Variants in SARS1 observed in about 807,000 individuals in gnomAD.
The protein encoded by SARS1 is seryl-tRNA synthetase 1.
SARS1 carries 25 observed loss-of-function variants against 63.7 expected under a neutral mutation model. That is an observed-to-expected ratio of 0.39 (90% CI 0.29 to 0.55). The LOEUF is 0.55. Ranked by LOEUF, SARS1 falls within the 20% of genes least tolerant of loss-of-function variation. SARS1 has a pLI of 0.62. For missense variants in SARS1, 417 were observed against 649.7 expected, an observed-to-expected ratio of 0.64 and a Z score of 3.89; for synonymous variants, 231 against 243.5, an observed-to-expected ratio of 0.95 and a Z score of 0.48.
At chr1:109,228,811 A>G (rs1193104528) in intron 3 of SARS1, among the ~76,000 whole-genome samples, 1 of 152,198 alleles carries the variant, frequency 6.6e-6, no homozygotes, top group Non-Finnish European at 1.5e-5. Flanking sequence ...TAGTCACTGA[A>G]CCCTTTCTTG....
Position 109,235,839 on chromosome 1 carries a change from A to T in SARS1, c.970-138A>T. The T allele has an allele frequency of 2.6e-6, 2 of 781,226 alleles. No individual in the cohort carries two copies. Among genetic ancestry groups the T allele is most frequent in the South Asian group, 3.4e-5 (2 of 58,468 alleles). The allele number at this position is 781,226 out of a possible 1,614,324, so 48.4% of individuals were successfully genotyped here. A position where few individuals can be genotyped will look rare whatever the true frequency, so the allele number is the denominator to read the frequency against. ...CCATAAGCATTTGCTCTTGTGGTCC[A>T]GTCCCAGTTGCTGGGGGCCCAGACT... On this transcript the variant is annotated intron_variant, in intron 7 of 10. Transcript: ENST00000234677. This position sits in a 1 kb window ranked among gnomAD's most constrained non-coding sequence, Gnocchi z 4.7.
Position 109,237,029 on chromosome 1 carries a change from C to T in SARS1, c.1258-215C>T. ...GAATACCAGAAGCTACCACTTGTCA[C>T]TCATCGAAACATGAGGGATCTTTCT... On this transcript the variant is annotated intron_variant, in intron 9 of 10. Coordinates refer to ENST00000234677, the MANE Select transcript of SARS1 (RefSeq NM_006513.4). The surrounding 1 kb of genome is among the most constrained non-coding windows in gnomAD (Gnocchi z 4.1). 5.6e-6 allele frequency: 7 copies of T among 1,241,810 alleles called. No homozygotes were observed. The highest frequency in any genetic ancestry group is 7.7e-6 in the Non-Finnish European group (7 of 913,508). The allele number at this position is 1,241,810 out of a possible 1,614,324, so 76.9% of individuals were successfully genotyped here. A position where few individuals can be genotyped will look rare whatever the true frequency, so the allele number is the denominator to read the frequency against.
At chr1:109,231,316 T>G (rs1655206724) in intron 5 of SARS1, 1 of 271,396 alleles carries the variant, frequency 3.7e-6, no homozygotes, top group Non-Finnish European at 6.7e-6. Context: ...CTCAGTATAA[T>G]TGGACAGTCA....
At chr1:109,227,299 TTTTAA>T (rs1655111653) in intron 2 of SARS1, among the ~76,000 whole-genome samples, 1 of 152,134 alleles carries the variant, frequency 6.6e-6, no homozygotes, top group Admixed American at 6.5e-5. Context: ...TGCCAACTCT[TTTTAA>T]TTTAAGAAGA....
chr1:109,226,664 A>T (rs1340524716), intron 2 of SARS1, among the ~76,000 whole-genome samples: 7 of 21,568 alleles, frequency 3.2e-4, no homozygotes, highest in South Asian at 2.0e-3. Context: ...TGGCTAATTT[A>T]AAAAAAAAAA....
chr1:109,219,125 G>A (rs1251867460), intron 1 of SARS1, among the ~76,000 whole-genome samples: 1 of 151,032 alleles, frequency 6.6e-6, no homozygotes, highest in Non-Finnish European at 1.5e-5. Flanking sequence ...AATTAGCCGG[G>A]TGTGGTGGCG....
At chr1:109,216,872 C>T in intron 1 of SARS1, 3 of 954,944 alleles carry the variant, frequency 3.1e-6, no homozygotes, top group Non-Finnish European at 3.7e-6. Flanking sequence ...ATCCTCCCAC[C>T]TCGGCCTCCC....
chr1:109,226,693 TATATACACACAC>T (rs1367765380), intron 2 of SARS1, among the ~76,000 whole-genome samples: 4 of 46,632 alleles, frequency 8.6e-5, no homozygotes, highest in African/African-American at 2.4e-4. Flanking sequence ...TATATATATA[TATATACACACAC>T]ACACACACAC....
rs1044486982 is a variant in SARS1, at chr1:109,214,925, A to G, written c.136+797A>G. The G allele has an allele frequency of 6.7e-5, 66 of 985,294 alleles. No individual in the cohort carries two copies. Among genetic ancestry groups the G allele is most frequent in the Non-Finnish European group, 7.3e-5 (61 of 829,948 alleles). 61.0% of individuals were successfully genotyped at this position (985,294 alleles called of 1,614,324 possible). ...AAACCATAGAACCATCTGCCCATAA[A>G]TCTCTGCCTGTATTAACTGGAGTGG... On this transcript the variant is annotated intron_variant, in intron 1 of 10. Transcript: ENST00000234677. This position sits in a 1 kb window ranked among gnomAD's most constrained non-coding sequence, Gnocchi z 4.6.
chr1:109,231,784 A>G lies in SARS1; in HGVS notation c.745A>G (p.Lys249Glu), dbSNP rs774421489. ...QLSQFDEELY[K>E]VIGKGSEKSD... ...CAGCCAGTTTGATGAAGAACTTTAT[A>G]AGGTGAGTAGCCTGGGTCAGGTGAC... Residue 249 changes from lysine (K) to glutamate (E), a missense_variant and splice_region_variant, in exon 6 of 11, where the codon AAG (lysine) becomes GAG (glutamate). Transcript: ENST00000234677. 3.9e-6 allele frequency: 6 copies of G among 1,537,582 alleles called. No individual in the cohort carries two copies. Among genetic ancestry groups the G allele is most frequent in the Non-Finnish European group, 4.4e-6 (5 of 1,146,100 alleles).
chr1:109,235,877 A>T lies in SARS1; in HGVS notation c.970-100A>T. Reference sequence around the variant, plus strand: ...GGGGGCCCAGACTTGCCTGCCTCCCAGTGGTGTGGAAACAGGTCTTCATGG... The same window carrying T: ...GGGGGCCCAGACTTGCCTGCCTCCCTGTGGTGTGGAAACAGGTCTTCATGG... On this transcript the variant is annotated intron_variant, in intron 7 of 10. Coordinates refer to ENST00000234677, the MANE Select transcript of SARS1 (RefSeq NM_006513.4). This position sits in a 1 kb window ranked among gnomAD's most constrained non-coding sequence, Gnocchi z 4.7. The T allele has an allele frequency of 8.4e-7, 1 of 1,196,770 alleles. No individual in the cohort carries two copies. The highest frequency in any genetic ancestry group is 1.2e-6 in the Non-Finnish European group (1 of 853,454). The allele number at this position is 1,196,770 out of a possible 1,614,324, so 74.1% of individuals were successfully genotyped here.
intron 1 of SARS1, among the ~76,000 whole-genome samples, chr1:109,221,979 TA>T (rs2101188002): frequency 2.3e-4 from 1 of 4,278 alleles, no homozygotes; most frequent in Non-Finnish European, 6.3e-4. Context: ...TGTATATATA[TA>T]TATATATATA....
rs1474514699 is a variant in SARS1 at position 109,215,697 on chromosome 1, T to G, written c.136+1569T>G. The G allele has an allele frequency of 6.4e-6, 6 of 939,484 alleles. No homozygotes were observed. In the African/African-American group the frequency reaches 8.9e-5, roughly 14 times the overall value. The allele number at this position is 939,484 out of a possible 1,614,324, so 58.2% of individuals were successfully genotyped here. Reference sequence around the variant, plus strand: ...AATCCTAAATGTGAAGTCATTTCTTTTCTTTGTTTTGTTTTGTTTTGTTTT... The same window carrying G: ...AATCCTAAATGTGAAGTCATTTCTTGTCTTTGTTTTGTTTTGTTTTGTTTT... On this transcript the variant is annotated intron_variant, in intron 1 of 10. Transcript: ENST00000234677.
At chr1:109,233,862 ATT>A (rs1164453054) in intron 6 of SARS1, among the ~76,000 whole-genome samples, 6 of 65,968 alleles carry the variant, frequency 9.1e-5, no homozygotes, top group African/African-American at 2.2e-4. Flanking sequence ...CACCTGGCTA[ATT>A]TTTTTTTTTT....
Position 109,215,724 on chromosome 1 carries a change from G to C in SARS1, c.136+1596G>C, listed in dbSNP as rs1025158864. The C allele has an allele frequency of 5.6e-6, 5 of 889,588 alleles. No homozygotes were observed. The African/African-American group carries it at 9.1e-5, about 16-fold the overall frequency. 55.1% of individuals were successfully genotyped at this position (889,588 alleles called of 1,614,324 possible). A position where few individuals can be genotyped will look rare whatever the true frequency, so the allele number is the denominator to read the frequency against. On this transcript the variant is annotated intron_variant, in intron 1 of 10. Transcript: ENST00000234677. Reference sequence around the variant, plus strand: ...CTTTGTTTTGTTTTGTTTTGTTTTTGAGACGGAGTCTCTCATTATCACCCA... The same window carrying C: ...CTTTGTTTTGTTTTGTTTTGTTTTTCAGACGGAGTCTCTCATTATCACCCA...
intron 1 of SARS1, among the ~76,000 whole-genome samples, chr1:109,219,788 C>T (rs1389173532): frequency 6.6e-6 from 1 of 152,200 alleles, no homozygotes. Context: ...GCTGGGATTA[C>T]AGGCATGAGC....
At position 109,231,038 on chromosome 1, in the gene SARS1, A is replaced by G. The variant is rs1655199149; in HGVS notation, c.591+17A>G. ...TTCTTGAAGGTAAGAGCTGGGAACC[A>G]GTGAGGATAGGATTATGAAAAAGAA... On this transcript the variant is annotated intron_variant, in intron 5 of 10. Transcript: ENST00000234677. 1.7e-5 allele frequency: 25 copies of G among 1,440,688 alleles called. No homozygotes were observed. Among genetic ancestry groups the G allele is most frequent in the Non-Finnish European group, 2.3e-5 (25 of 1,096,716 alleles). 89.2% of individuals were successfully genotyped at this position (1,440,688 alleles called of 1,614,324 possible). A position where few individuals can be genotyped will look rare whatever the true frequency, so the allele number is the denominator to read the frequency against.
chr1:109,222,233 T>C (rs1654965698), intron 1 of SARS1, among the ~76,000 whole-genome samples: 1 of 151,602 alleles, frequency 6.6e-6, no homozygotes. Context: ...AAAACGATTA[T>C]AGATTTACAG....
At position 109,228,366 on chromosome 1, in the gene SARS1, G is replaced by A; in HGVS notation, c.222G>A (p.Val74=). The A allele has an allele frequency of 6.2e-7, 1 of 1,612,498 alleles. No homozygotes were observed. The highest frequency in any genetic ancestry group is 1.1e-5 in the South Asian group (1 of 90,626). ...IGEKMKKKEP[V]GDDESVPENV... is the part of the protein sequence containing the mutation. ...CCTTCCTGCAGAAAAAAGAGCCAGT[G>A]GGAGATGATGAGTCTGTCCCAGAGA... The change falls in exon 3 of 11, where the codon GTG becomes GTA. Residue 74 remains valine, a synonymous_variant. Coordinates refer to ENST00000234677, the MANE Select transcript of SARS1 (RefSeq NM_006513.4).
Sources: gnomAD v4.1 joint callset for allele counts (sites outside exome capture counted in the v4.1 genomes callset) on GRCh38, gnomAD v4.1.1 for gene constraint, Gnocchi (gnomAD v3.1) non-coding constraint, MANE v1.5 for transcripts, NCBI Gene and HGNC (gene_info 2026-07-23, HGNC 2026-07-21) for gene names.